The following TRIM44 variants were observed in gnomAD, a reference collection of about 807,000 sequenced individuals.
TRIM44 encodes tripartite motif-containing protein 44.
TRIM44 carries 13 observed loss-of-function variants against 37.4 expected under a neutral mutation model. The observed-to-expected ratio is 0.35, with a 90% CI of 0.23 to 0.55. The LOEUF (loss-of-function observed/expected upper bound fraction) is 0.55. Ranked by LOEUF, TRIM44 falls within the 20% of genes least tolerant of loss-of-function variation. The probability of loss-of-function intolerance (pLI) is 0.89; values close to 1 mark genes in which losing one functional copy is unlikely to be tolerated. For synonymous variants in TRIM44, 175 were observed against 157.2 expected (o/e 1.11, Z -0.85); for missense variants, 426 against 437.2 (o/e 0.97, Z 0.23).
Position 35,812,016 on chromosome 11 carries a change from C to CACTT in TRIM44, c.*5633_*5636dup, listed in dbSNP as rs1289817086. 1.3e-5 allele frequency: 2 copies of CACTT among 152,174 alleles called. No individual in the cohort carries two copies. Among genetic ancestry groups the CACTT allele is most frequent in the Non-Finnish European group, 2.9e-5 (2 of 68,048 alleles). The allele number at this position is 152,174 out of a possible 1,614,324, so 9.4% of individuals were successfully genotyped here. A position where few individuals can be genotyped will look rare whatever the true frequency, so the allele number is the denominator to read the frequency against. On this transcript the variant is annotated 3_prime_UTR_variant, in exon 5 of 5. Transcript: ENST00000299413. ...GGGGTGGCACTGCCTGCCACTGTAG[C>CACTT]ACTTAGGAGTCTTCAGTGTTTTAAC... is the stretch of plus-strand genomic sequence containing the variant.
At chr11:35,705,228 T>C (rs1461628545) in intron 2 of TRIM44, among the ~76,000 whole-genome samples, 1 of 151,654 alleles carries the variant, frequency 6.6e-6, no homozygotes, top group Non-Finnish European at 1.5e-5. Flanking sequence ...TAAATATATA[T>C]GCACCCAATA....
chr11:35,694,814 G>A (rs1466344311), intron 2 of TRIM44, among the ~76,000 whole-genome samples: 1 of 152,058 alleles, frequency 6.6e-6, no homozygotes, highest in East Asian at 1.9e-4. Context: ...TGGATGGCAA[G>A]GACAGTCTTT....
intron 2 of TRIM44, among the ~76,000 whole-genome samples, chr11:35,716,841 G>A (rs1852044599): frequency 6.6e-6 from 1 of 152,148 alleles, no homozygotes; most frequent in South Asian, 2.1e-4. Flanking sequence ...GCTACGTACT[G>A]TATGCCTGAA....
chr11:35,680,504 C>T (rs1161566776), intron 1 of TRIM44, among the ~76,000 whole-genome samples: 1 of 151,922 alleles, frequency 6.6e-6, no homozygotes, highest in Non-Finnish European at 1.5e-5. Context: ...TACAACCTAC[C>T]TCATTCTTTT....
chr11:35,787,449 A>G (rs1853144518), intron 4 of TRIM44, among the ~76,000 whole-genome samples: 1 of 152,190 alleles, frequency 6.6e-6, no homozygotes, highest in Non-Finnish European at 1.5e-5. Context: ...AGCTGGAACT[A>G]ATCATCCCTT....
In TRIM44 at chr11:35,817,795, TAGTG is replaced by T. The variant is rs1853596422; in HGVS notation, c.*11414_*11417del. On this transcript the variant is annotated 3_prime_UTR_variant, in exon 5 of 5. Coordinates refer to ENST00000299413, the MANE Select transcript of TRIM44 (RefSeq NM_017583.6). ...CAACATCCGCCCTTTGTTGTCATGA[TAGTG>T]AGTTCTTGTGAGATCTGGTTGTTTA... The T allele has an allele frequency of 6.6e-6, 1 of 152,170 alleles. No homozygotes were observed. The highest frequency in any genetic ancestry group is 2.4e-5 in the African/African-American group (1 of 41,448). The allele number at this position is 152,170 out of a possible 1,614,324, so 9.4% of individuals were successfully genotyped here.
chr11:35,679,463 A>G (rs753605010), intron 1 of TRIM44, among the ~76,000 whole-genome samples: 1 of 152,214 alleles, frequency 6.6e-6, no homozygotes. Flanking sequence ...AAACACAAGG[A>G]ACATTAGAGG....
At chr11:35,715,979 C>T (rs1852035906) in intron 2 of TRIM44, among the ~76,000 whole-genome samples, 2 of 152,112 alleles carry the variant, frequency 1.3e-5, no homozygotes, top group African/African-American at 4.8e-5. Flanking sequence ...CAGTCATCTC[C>T]CACCAGGCCC....
At chr11:35,693,681 G>A (rs530034383) in intron 2 of TRIM44, among the ~76,000 whole-genome samples, 2 of 152,172 alleles carry the variant, frequency 1.3e-5, no homozygotes, top group African/African-American at 4.8e-5. Flanking sequence ...TTTTGACCAG[G>A]TTCTCACTTA....
At chr11:35,801,077 G>A (rs1472391437) in intron 4 of TRIM44, among the ~76,000 whole-genome samples, 1 of 152,146 alleles carries the variant, frequency 6.6e-6, no homozygotes, top group Non-Finnish European at 1.5e-5. Flanking sequence ...GGGACAGAGG[G>A]GACAAAGAAG....
chr11:35,710,187 C>T (rs1851950011), intron 2 of TRIM44, among the ~76,000 whole-genome samples: 1 of 152,142 alleles, frequency 6.6e-6, no homozygotes, highest in South Asian at 2.1e-4. Flanking sequence ...AGTTCATCCA[C>T]AAGGACTCAA....
chr11:35,806,442 T>C lies in TRIM44; in HGVS notation c.*57T>C. On this transcript the variant is annotated 3_prime_UTR_variant, in exon 5 of 5. Coordinates refer to ENST00000299413, the MANE Select transcript of TRIM44 (RefSeq NM_017583.6). ...CTCCCCTTGTGTGTATGTGACAGCG[T>C]GTATGTAACGGCTTCTGATTTCTGT... The C allele has an allele frequency of 6.3e-7, 1 of 1,580,554 alleles. No individual in the cohort carries two copies. Among genetic ancestry groups the C allele is most frequent in the Non-Finnish European group, 8.7e-7 (1 of 1,149,910 alleles).
At chr11:35,776,904 T>C (rs1220976769) in intron 4 of TRIM44, among the ~76,000 whole-genome samples, 2 of 152,362 alleles carry the variant, frequency 1.3e-5, no homozygotes, top group Middle Eastern at 3.4e-3. Context: ...ATAAGTGCGA[T>C]GTGGTGCTGA....
At position 35,806,559 on chromosome 11, in the gene TRIM44, C is replaced by A; in HGVS notation, c.*174C>A. On this transcript the variant is annotated 3_prime_UTR_variant, in exon 5 of 5. Transcript: ENST00000299413. ...TCTCCAAGGGATGACCAGTTTTATG[C>A]TTACTGTGTGCTTCTCATCCCCTGG... The A allele has an allele frequency of 1.5e-6, 1 of 663,000 alleles. No homozygotes were observed. Among genetic ancestry groups the A allele is most frequent in the Non-Finnish European group, 2.6e-6 (1 of 378,122 alleles). The allele number at this position is 663,000 out of a possible 1,614,324, so 41.1% of individuals were successfully genotyped here. A position where few individuals can be genotyped will look rare whatever the true frequency, so the allele number is the denominator to read the frequency against.
chr11:35,729,954 G>A lies in TRIM44; in HGVS notation c.987+3791G>A, dbSNP rs574851958. Among the ~76,000 whole-genome samples the A allele has an allele frequency of 2.6e-5, 4 of 152,248 alleles. No individual in the cohort carries two copies. The South Asian group carries it at 8.3e-4, about 32-fold the overall frequency. Reference sequence around the variant, plus strand: ...TTCACAGCACTATACCCCAGTATGGGTGACAGTGCAAGACCCTGTCTCAAA... The same window carrying A: ...TTCACAGCACTATACCCCAGTATGGATGACAGTGCAAGACCCTGTCTCAAA... On this transcript the variant is annotated intron_variant, in intron 3 of 4. Coordinates refer to ENST00000299413, the MANE Select transcript of TRIM44 (RefSeq NM_017583.6).
intron 4 of TRIM44, among the ~76,000 whole-genome samples, chr11:35,755,305 T>C (rs1391614440): frequency 6.6e-6 from 1 of 152,264 alleles, no homozygotes; most frequent in African/African-American, 2.4e-5. Flanking sequence ...AATGTCTTCT[T>C]TTGAGAAGTG....
intron 4 of TRIM44, among the ~76,000 whole-genome samples, chr11:35,782,844 C>G (rs2938187): frequency 6.6e-6 from 1 of 152,090 alleles, no homozygotes; most frequent in African/African-American, 2.4e-5. Flanking sequence ...GTTGGGAATG[C>G]CTAAGTCAGC....
At chr11:35,761,549 T>C (rs1457742540) in intron 4 of TRIM44, among the ~76,000 whole-genome samples, 3 of 152,236 alleles carry the variant, frequency 2.0e-5, no homozygotes, top group Non-Finnish European at 4.4e-5. Context: ...TGACAGACAC[T>C]GTTAAGGGTG....
chr11:35,759,404 A>G (rs893996221), intron 4 of TRIM44, among the ~76,000 whole-genome samples: 2 of 151,710 alleles, frequency 1.3e-5, no homozygotes, highest in African/African-American at 4.8e-5. Flanking sequence ...CATTCGTCTA[A>G]TTTTTTTTCA....
Sources: gnomAD v4.1 joint callset for allele counts (sites outside exome capture counted in the v4.1 genomes callset) on GRCh38, gnomAD v4.1.1 for gene constraint, MANE v1.5 for transcripts, NCBI Gene and HGNC (gene_info 2026-07-23, HGNC 2026-07-21) for gene names.